ACADS: variants seen among roughly 807,000 people sequenced by gnomAD.
The protein encoded by ACADS is acyl-CoA dehydrogenase short chain.
Under a neutral mutation model 46.8 loss-of-function variants are expected in ACADS, and 28 were observed. The observed-to-expected ratio is 0.60, with a 90% CI of 0.44 to 0.82. ACADS has a LOEUF of 0.82. Among genes scored for constraint, ACADS ranks in the 40% least tolerant of loss-of-function variants. The pLI, the probability that ACADS is intolerant of heterozygous loss-of-function variation, is 0.00. For missense variants in ACADS, 528 were observed against 578.0 expected, an observed-to-expected ratio of 0.91 and a Z score of 0.89; for synonymous variants, 236 against 237.7, an observed-to-expected ratio of 0.99 and a Z score of 0.07.
In ACADS at chr12:120,737,409, G is replaced by A. The variant is rs201825471; in HGVS notation, c.414G>A (p.Ala138=). 52 of 1,614,074 alleles carry A rather than the reference G, an allele frequency of 3.2e-5. No homozygotes were observed. The highest frequency in any genetic ancestry group is 3.9e-5 in the Non-Finnish European group (46 of 1,180,040). The change falls in exon 4 of 10, where the codon GCG becomes GCA. Residue 138 remains alanine, a synonymous_variant. Transcript: ENST00000242592. ...TTGGCTCCAAGGAGCAGAAGCAGGC[G>A]TGGGTCACGCCTTTCACCAGTGGTG... The part of the protein sequence containing the change: ...LKFGSKEQKQ[A]WVTPFTSGDK...
intron 2 of ACADS, among the ~76,000 whole-genome samples, chr12:120,730,550 C>T (rs1453920847): frequency 6.6e-6 from 1 of 152,148 alleles, no homozygotes; most frequent in African/African-American, 2.4e-5. Flanking sequence ...TGTGAATTCC[C>T]TCATCTGTAA....
Position 120,739,379 on chromosome 12 carries a change from C to T in ACADS, c.1170C>T (p.Ile390=), listed in dbSNP as rs1883582806. 1 of 1,612,996 alleles carries T rather than the reference C, an allele frequency of 6.2e-7. No homozygotes were observed. Among genetic ancestry groups the T allele is most frequent in the African/African-American group, 1.3e-5 (1 of 75,076 alleles). The change falls in exon 10 of 10, where the codon ATC becomes ATT. Residue 390 remains isoleucine (I), a synonymous_variant. Transcript: ENST00000242592. ...ACCGCGACGCCCGCATCACTGAGATCTACGAGGGCACCAGCGAAATCCAGC... is the reference window on the plus strand; with the variant it reads ...ACCGCGACGCCCGCATCACTGAGATTTACGAGGGCACCAGCGAAATCCAGC... The part of the protein sequence containing the change: ...RHYRDARITE[I]YEGTSEIQRL...
intron 1 of ACADS, among the ~76,000 whole-genome samples, chr12:120,726,234 G>A (rs1348629909): frequency 6.6e-6 from 1 of 151,544 alleles, no homozygotes; most frequent in East Asian, 1.9e-4. Flanking sequence ...TCCTTCTTCC[G>A]GAGCCAGGCC....
In ACADS at chr12:120,727,116, G is replaced by A. The variant is rs758012734; in HGVS notation, c.137G>A (p.Arg46Gln). The A allele has an allele frequency of 3.7e-6, 6 of 1,614,192 alleles. No individual in the cohort carries two copies. The highest frequency in any genetic ancestry group is 2.2e-5 in the South Asian group (2 of 91,088). The change falls in exon 2 of 10, where the codon CGG becomes CAG. Residue 46 changes from arginine to glutamine, a missense_variant. Coordinates refer to ENST00000242592, the MANE Select transcript of ACADS (RefSeq NM_000017.4). ...ETHQMLLQTCRDFAEKELFPI... is the reference protein window; with the variant it reads ...ETHQMLLQTCQDFAEKELFPI... ...CACCAGATGTTGCTCCAGACATGCC[G>A]GGACTTTGCCGAGAAGGAGTTGTTT... is the stretch of plus-strand genomic sequence containing the variant.
intron 2 of ACADS, among the ~76,000 whole-genome samples, chr12:120,736,157 T>G: frequency 7.3e-6 from 1 of 137,906 alleles, no homozygotes; most frequent in South Asian, 2.4e-4. Context: ...TATTATTTTG[T>G]TTTTGGTAGA....
chr12:120,737,194 C>T, intron 3 of ACADS, 59 bp downstream of exon 3: 1 of 1,548,878 alleles, frequency 6.5e-7, no homozygotes. Context: ...CGTGAGCGGG[C>T]AGGCTCTGGC....
At position 120,739,786 on chromosome 12, in the gene ACADS, C is replaced by T. The variant is rs1008725542; in HGVS notation, c.*338C>T. 21 of 368,242 alleles carry T rather than the reference C, an allele frequency of 5.7e-5. No individual in the cohort carries two copies. The highest frequency in any genetic ancestry group is 3.6e-4 in the South Asian group (12 of 33,586). The allele number at this position is 368,242 out of a possible 1,614,324, so 22.8% of individuals were successfully genotyped here. The stretch of plus-strand genomic sequence containing the variant: ...GGTGCCCTGGCATGAAGGCCCAGTG[C>T]GACAGGCCCTTGGTGGGGTCTGTCT... On this transcript the variant is annotated 3_prime_UTR_variant, in exon 10 of 10. Transcript: ENST00000242592.
At chr12:120,729,175 T>G (rs958232922) in intron 2 of ACADS, among the ~76,000 whole-genome samples, 4 of 152,138 alleles carry the variant, frequency 2.6e-5, no homozygotes, top group Admixed American at 2.6e-4. Context: ...TGTTAGTTAA[T>G]TACCATCAAT....
chr12:120,731,954 G>A (rs1240454683), intron 2 of ACADS, among the ~76,000 whole-genome samples: 6 of 152,198 alleles, frequency 3.9e-5, no homozygotes, highest in Non-Finnish European at 7.4e-5. Flanking sequence ...AGGGTTGGGG[G>A]TAAGGTCATA....
At chr12:120,727,515 G>A (rs77596870) in intron 2 of ACADS, among the ~76,000 whole-genome samples, 4,008 of 152,284 alleles carry the variant, frequency 0.026, 87 homozygotes, top group South Asian at 0.064. Context: ...CCTCACAACG[G>A]TCCTGTGAGG....
chr12:120,729,556 A>G (rs985840191), intron 2 of ACADS, among the ~76,000 whole-genome samples: 1 of 151,766 alleles, frequency 6.6e-6, no homozygotes, highest in Non-Finnish European at 1.5e-5. Context: ...CTGCTTAATT[A>G]TATTTTGGGT....
chr12:120,734,612 G>A (rs1883367082), intron 2 of ACADS, among the ~76,000 whole-genome samples: 1 of 152,042 alleles, frequency 6.6e-6, no homozygotes, highest in Non-Finnish European at 1.5e-5. Context: ...ATACGTTATT[G>A]CCAAAGTAAG....
intron 4 of ACADS, 77 bp from the exon 5 acceptor site, chr12:120,737,760 G>T: frequency 6.3e-7 from 1 of 1,597,500 alleles, no homozygotes; most frequent in Non-Finnish European, 8.6e-7. Flanking sequence ...GCCAGCAGGG[G>T]TGTGGAGGGA....
intron 2 of ACADS, among the ~76,000 whole-genome samples, chr12:120,730,283 TA>T (rs1324454692): frequency 2.0e-5 from 3 of 152,094 alleles, no homozygotes; most frequent in Non-Finnish European, 4.4e-5. Flanking sequence ...GCCCAGCTGG[TA>T]GATGCTGTAA....
Position 120,739,542 on chromosome 12 carries a change from GCTCCCTGGGGAC to G in ACADS, c.*96_*107del. The G allele has an allele frequency of 6.8e-7, 1 of 1,471,244 alleles. No individual in the cohort carries two copies. The highest frequency in any genetic ancestry group is 9.2e-7 in the Non-Finnish European group (1 of 1,090,012). 91.1% of individuals were successfully genotyped at this position (1,471,244 alleles called of 1,614,324 possible). Reference sequence around the variant, plus strand: ...TCAGAGACTGGGCGGCCCGGCGGGGGCTCCCTGGGGACCCCAGATGGGCTCAGTGCTGCCACC... The same window carrying G: ...TCAGAGACTGGGCGGCCCGGCGGGGGCCCAGATGGGCTCAGTGCTGCCACC... On this transcript the variant is annotated 3_prime_UTR_variant, in exon 10 of 10. Transcript: ENST00000242592.
intron 2 of ACADS, among the ~76,000 whole-genome samples, chr12:120,729,155 G>T (rs188386121): frequency 6.6e-6 from 1 of 152,176 alleles, no homozygotes; most frequent in African/African-American, 2.4e-5. Context: ...TGGGACGGGC[G>T]CCTGGCTGCT....
At chr12:120,736,950 A>C in intron 2 of ACADS, 36 bp from the exon 3 acceptor site, 1 of 1,565,140 alleles carries the variant, frequency 6.4e-7, no homozygotes. Context: ...CGCCCCCGGC[A>C]GCTGCCCATG....
At chr12:120,738,196 G>A (rs1461384611) in intron 5 of ACADS, 84 bp from the exon 6 acceptor site, 3 of 1,604,274 alleles carry the variant, frequency 1.9e-6, no homozygotes, top group South Asian at 1.1e-5. Flanking sequence ...GAGGTGGGGA[G>A]GGGACCGGGT....
At chr12:120,726,035 C>T in intron 1 of ACADS, 104 bp downstream of exon 1, 2 of 1,245,562 alleles carry the variant, frequency 1.6e-6, no homozygotes, top group Non-Finnish European at 2.1e-6. Flanking sequence ...CAGGCGGAGC[C>T]CCACTCCGGG....
Sources: gnomAD v4.1 joint callset for allele counts (sites outside exome capture counted in the v4.1 genomes callset) on GRCh38, gnomAD v4.1.1 for gene constraint, MANE v1.5 for transcripts, NCBI Gene and HGNC (gene_info 2026-07-23, HGNC 2026-07-21) for gene names.